Variants in KCNH5 observed in about 807,000 individuals in gnomAD.
KCNH5 encodes voltage-gated delayed rectifier potassium channel KCNH5.
A neutral mutation model predicts 96.1 loss-of-function variants in KCNH5; 46 were observed. That is an observed-to-expected ratio of 0.48 (90% CI 0.38 to 0.61). The LOEUF is 0.61. KCNH5 is among the 20% of genes least tolerant of loss of function. The probability of loss-of-function intolerance (pLI) is 0.00; values close to 1 mark genes in which losing one functional copy is unlikely to be tolerated. For missense variants in KCNH5, 907 were observed against 1,225.8 expected (o/e 0.74, Z 3.88); for synonymous variants, 439 against 449.8 (o/e 0.98, Z 0.30).
chr14:63,003,534 T>TTTTATATATTTTA (rs1891058945), intron 3 of KCNH5, among the ~76,000 whole-genome samples: 1 of 114,808 alleles, frequency 8.7e-6, no homozygotes, highest in Non-Finnish European at 1.8e-5. Context: ...TTTATATATA[T>TTTTATATATTTTA]TATATATTAT....
At chr14:62,729,891 A>C (rs1481220317) in intron 10 of KCNH5, among the ~76,000 whole-genome samples, 1 of 152,208 alleles carries the variant, frequency 6.6e-6, no homozygotes, top group Admixed American at 6.5e-5. Flanking sequence ...AGCAGAAGAG[A>C]GGCCCTGGGT....
chr14:62,829,689 G>A (rs1208274452), intron 8 of KCNH5, among the ~76,000 whole-genome samples: 1 of 152,098 alleles, frequency 6.6e-6, no homozygotes, highest in Non-Finnish European at 1.5e-5. Flanking sequence ...CTAGGCCTTC[G>A]GGTCTGTCAT....
At chr14:62,736,111 C>A (rs551326634) in intron 10 of KCNH5, among the ~76,000 whole-genome samples, 19 of 152,298 alleles carry the variant, frequency 1.2e-4, no homozygotes, top group African/African-American at 4.1e-4. Context: ...GCAGCCCTAG[C>A]TAACTCATGC....
intron 10 of KCNH5, among the ~76,000 whole-genome samples, chr14:62,735,941 A>G (rs1239263410): frequency 6.6e-6 from 1 of 152,350 alleles, no homozygotes; most frequent in East Asian, 1.9e-4. Context: ...CCAGGAACTC[A>G]AAAGATTGCC....
intron 8 of KCNH5, among the ~76,000 whole-genome samples, chr14:62,824,709 T>A (rs901116636): frequency 6.6e-6 from 1 of 152,100 alleles, no homozygotes; most frequent in Admixed American, 6.6e-5. Flanking sequence ...AAACGAATGA[T>A]CTTGTCACCC....
chr14:62,744,777 A>T (rs1885341425), intron 10 of KCNH5, among the ~76,000 whole-genome samples: 1 of 152,218 alleles, frequency 6.6e-6, no homozygotes, highest in South Asian at 2.1e-4. Flanking sequence ...CCGATCATTC[A>T]GAGGGTTCTG....
chr14:62,730,436 T>A (rs1408756185), intron 10 of KCNH5, among the ~76,000 whole-genome samples: 2 of 152,176 alleles, frequency 1.3e-5, no homozygotes, highest in African/African-American at 2.4e-5. Context: ...AGGAAATGGT[T>A]GAAAGAGAAC....
At chr14:62,841,974 G>A (rs554177219) in intron 8 of KCNH5, among the ~76,000 whole-genome samples, 27 of 152,312 alleles carry the variant, frequency 1.8e-4, no homozygotes, top group Middle Eastern at 3.4e-3. Flanking sequence ...TCAGAAGCTA[G>A]TATCAGAGTG....
At chr14:62,792,000 C>A (rs537987345) in intron 9 of KCNH5, among the ~76,000 whole-genome samples, 1 of 151,402 alleles carries the variant, frequency 6.6e-6, no homozygotes, top group Non-Finnish European at 1.5e-5. Context: ...CAAAAATATT[C>A]ATTTATAGAT....
At chr14:62,891,814 T>G (rs1350129201) in intron 7 of KCNH5, among the ~76,000 whole-genome samples, 1 of 152,212 alleles carries the variant, frequency 6.6e-6, no homozygotes, top group Non-Finnish European at 1.5e-5. Context: ...GATCTATGAT[T>G]GGTAATCTTG....
intron 6 of KCNH5, among the ~76,000 whole-genome samples, chr14:62,971,160 T>C (rs1375994856): frequency 2.0e-5 from 3 of 152,232 alleles, no homozygotes; most frequent in East Asian, 1.9e-4. Flanking sequence ...TAAGTAATTA[T>C]AGCAAGGTTC....
Position 62,704,205 on chromosome 14 carries a change from T to C in KCNH5, c.*3303A>G, listed in dbSNP as rs562698201. On this transcript the variant is annotated 3_prime_UTR_variant, in exon 11 of 11. Transcript: ENST00000322893. ...ACCCCAGATTTTCCATTTTTTTCTC[T>C]GATATACATAAAGTTGTTTGTAAAA... The C allele has an allele frequency of 6.6e-6, 1 of 152,052 alleles. No individual in the cohort carries two copies. The highest frequency in any genetic ancestry group is 1.9e-4 in the East Asian group (1 of 5,180). 9.4% of individuals were successfully genotyped at this position (152,052 alleles called of 1,614,324 possible).
At chr14:63,001,108 C>A (rs1162100266) in intron 4 of KCNH5, among the ~76,000 whole-genome samples, 1 of 152,134 alleles carries the variant, frequency 6.6e-6, no homozygotes, top group Non-Finnish European at 1.5e-5. Context: ...TATAAAATTT[C>A]TTACTCATGC....
chr14:62,964,548 C>G (rs1890270463), intron 6 of KCNH5, among the ~76,000 whole-genome samples: 1 of 152,072 alleles, frequency 6.6e-6, no homozygotes, highest in Non-Finnish European at 1.5e-5. Flanking sequence ...AGAATATTAA[C>G]TCTGACCAAG....
rs983037826 is a variant in KCNH5, at chr14:62,706,173, G to A, written c.*1335C>T. 6.6e-6 allele frequency: 1 copy of A among 152,034 alleles called. No individual in the cohort carries two copies. Among genetic ancestry groups the A allele is most frequent in the Non-Finnish European group, 1.5e-5 (1 of 67,962 alleles). The allele number at this position is 152,034 out of a possible 1,614,324, so 9.4% of individuals were successfully genotyped here. On this transcript the variant is annotated 3_prime_UTR_variant, in exon 11 of 11. Coordinates refer to ENST00000322893, the MANE Select transcript of KCNH5 (RefSeq NM_139318.5). ...TGATAATAGGCACTTTCTACAAAGA[G>A]GATTTGAATTCAAAAGACTAAAATT...
chr14:62,890,485 G>A (rs1227245822), intron 7 of KCNH5, among the ~76,000 whole-genome samples: 5 of 151,856 alleles, frequency 3.3e-5, no homozygotes, highest in African/African-American at 1.2e-4. Flanking sequence ...CACGAGGTCA[G>A]GAGATCGAGA....
chr14:62,919,712 T>A (rs543558705), intron 7 of KCNH5, among the ~76,000 whole-genome samples: 2 of 152,296 alleles, frequency 1.3e-5, no homozygotes, highest in Non-Finnish European at 2.9e-5. Flanking sequence ...CATTGTAAAA[T>A]GAAATCATAC....
At chr14:63,015,162 ATGTT>A (rs1309433385) in intron 2 of KCNH5, among the ~76,000 whole-genome samples, 6 of 152,114 alleles carry the variant, frequency 3.9e-5, no homozygotes, top group African/African-American at 9.7e-5. Context: ...AAGGAAGAGA[ATGTT>A]TGAGCAGATT....
intron 7 of KCNH5, among the ~76,000 whole-genome samples, chr14:62,883,731 CT>C (rs1888538995): frequency 6.6e-6 from 1 of 151,722 alleles, no homozygotes; most frequent in Non-Finnish European, 1.5e-5. Flanking sequence ...CACTGTTGTC[CT>C]TTTTTCCACC....
Sources: gnomAD v4.1 joint callset for allele counts (sites outside exome capture counted in the v4.1 genomes callset) on GRCh38, gnomAD v4.1.1 for gene constraint, MANE v1.5 for transcripts, NCBI Gene and HGNC (gene_info 2026-07-23, HGNC 2026-07-21) for gene names.